Variants in CTSB observed in about 807,000 individuals in gnomAD.
CTSB encodes the protein APP secretase.
CTSB carries 57 observed loss-of-function variants against 44.3 expected under a neutral mutation model. The ratio of observed to expected loss-of-function variants is 1.29; its 90% CI spans 1.04 to 1.60. The LOEUF (loss-of-function observed/expected upper bound fraction) is 1.60. Among genes scored for constraint, CTSB ranks in the 40% most tolerant of loss-of-function variants. CTSB has a pLI of 0.00. For synonymous variants in CTSB, 320 were observed against 168.0 expected, an observed-to-expected ratio of 1.91 and a Z score of -7.00; for missense variants, 768 against 443.0, an observed-to-expected ratio of 1.73 and a Z score of -6.59.
intron 4 of CTSB, chr8:11,849,593 T>C (rs79787897): frequency 6.5e-6 from 1 of 153,602 alleles, no homozygotes; most frequent in Admixed American, 6.4e-5. Flanking sequence ...TTTTTTTTTT[T>C]CCTGGAGGCG....
Position 11,852,673 on chromosome 8 carries a change from A to G in CTSB, c.149T>C (p.Val50Ala), listed in dbSNP as rs1011728101. The change falls in exon 3 of 10, where the codon GTG becomes GCG. Residue 50 changes from valine (V) to alanine (A), a missense_variant. Physicochemically the swap from Val to Ala is moderately conservative, Grantham distance 64 (BLOSUM62 0). Coordinates refer to ENST00000353047, the MANE Select transcript of CTSB (RefSeq NM_001908.5). The stretch of plus-strand genomic sequence containing the variant: ...TAGCCTCTTCAAGTAGCTCATGTCC[A>G]CGTTGTAGAAGTTGTGCCCGGCCTG... ...TWQAGHNFYN[V>A]DMSYLKRLCG... 2 of 1,613,948 alleles carry G rather than the reference A, an allele frequency of 1.2e-6. No individual in the cohort carries two copies. The highest frequency in any genetic ancestry group is 1.3e-5 in the African/African-American group (1 of 74,942).
chr8:11,847,701 G>C lies in CTSB; in HGVS notation c.654C>G (p.Thr218=). The C allele has an allele frequency of 6.3e-7, 1 of 1,579,974 alleles. No individual in the cohort carries two copies. Among genetic ancestry groups the C allele is most frequent in the Non-Finnish European group, 8.6e-7 (1 of 1,165,640 alleles). The stretch of plus-strand genomic sequence containing the variant: ...TACCGTAGTGCTTGTCCTGTTTGTA[G>C]GTCGGGCTGTAGCCAGGCTCACAGA... ...SKICEPGYSP[T]YKQDKHYGYN... The change falls in exon 7 of 10, where the codon ACC becomes ACG. Residue 218 remains threonine, a synonymous_variant. Transcript: ENST00000353047.
At chr8:11,849,843 A>C (rs1340492547) in intron 4 of CTSB, among the ~76,000 whole-genome samples, 1 of 152,078 alleles carries the variant, frequency 6.6e-6, no homozygotes, top group African/African-American at 2.4e-5. Flanking sequence ...AGCCTCCCAA[A>C]GTGTTGAGAT....
At chr8:11,848,580 A>G (rs947620863) in intron 5 of CTSB, 14 of 335,556 alleles carry the variant, frequency 4.2e-5, no homozygotes, top group Admixed American at 7.9e-5. Context: ...TTAAGCCCTC[A>G]GGCATTTCGG....
intron 3 of CTSB, among the ~76,000 whole-genome samples, chr8:11,852,390 G>C (rs76106252): frequency 0.019 from 2,880 of 152,170 alleles, 44 homozygotes; most frequent in Middle Eastern, 0.048. Context: ...AAAAGCACCA[G>C]CATCTTCTCT....
At chr8:11,853,183 G>A (rs575367664) in intron 2 of CTSB, 146 bp downstream of exon 2, 63 of 1,100,680 alleles carry the variant, frequency 5.7e-5, no homozygotes, top group South Asian at 3.1e-4. Flanking sequence ...GTCCAGAGCC[G>A]ACATGACTCA....
Position 11,843,568 on chromosome 8 carries a change from C to G in CTSB, c.*1557G>C, listed in dbSNP as rs962824165. On this transcript the variant is annotated 3_prime_UTR_variant, in exon 10 of 10. Coordinates refer to ENST00000353047, the MANE Select transcript of CTSB (RefSeq NM_001908.5). ...ACCAGCAATGCAAACCAGTGGCATA[C>G]AAATTCAAAATACTGTATACAGGCC... 10 of 152,236 alleles carry G rather than the reference C, an allele frequency of 6.6e-5. No individual in the cohort carries two copies. Among genetic ancestry groups the G allele is most frequent in the African/African-American group, 2.2e-4 (9 of 41,454 alleles). 9.4% of individuals were successfully genotyped at this position (152,236 alleles called of 1,614,324 possible). A position where few individuals can be genotyped will look rare whatever the true frequency, so the allele number is the denominator to read the frequency against.
In CTSB at chr8:11,844,681, G is replaced by C. The variant is rs982666942; in HGVS notation, c.*444C>G. ...GCCTGGGAGACTGGCGTTCTCCAAA[G>C]GGCTCCCAACACCGTCTCTCCTCTG... On this transcript the variant is annotated 3_prime_UTR_variant, in exon 10 of 10. Coordinates refer to ENST00000353047, the MANE Select transcript of CTSB (RefSeq NM_001908.5). The C allele has an allele frequency of 3.1e-5, 5 of 162,138 alleles. No homozygotes were observed. In the South Asian group the frequency reaches 9.2e-4, roughly 30 times the overall value. The allele number at this position is 162,138 out of a possible 1,614,324, so 10.0% of individuals were successfully genotyped here. A position where few individuals can be genotyped will look rare whatever the true frequency, so the allele number is the denominator to read the frequency against.
At chr8:11,855,130 C>A (rs1736103) in intron 1 of CTSB, among the ~76,000 whole-genome samples, 2 of 152,100 alleles carry the variant, frequency 1.3e-5, no homozygotes, top group Admixed American at 6.5e-5. Flanking sequence ...TCAAGCTATT[C>A]TCCTACCTCA....
At chr8:11,857,585 G>A (rs952731314) in intron 1 of CTSB, among the ~76,000 whole-genome samples, 2 of 152,190 alleles carry the variant, frequency 1.3e-5, no homozygotes, top group Non-Finnish European at 2.9e-5. Flanking sequence ...TGGTGGCTGA[G>A]AACACAGGCA....
intron 6 of CTSB, 109 bp from the exon 7 acceptor site, chr8:11,847,931 A>C (rs527459901): frequency 5.5e-5 from 77 of 1,404,280 alleles, no homozygotes; most frequent in African/African-American, 2.4e-4. Flanking sequence ...GTCCTGCCAG[A>C]GGCCTGTGCA....
intron 9 of CTSB, 123 bp from the exon 10 acceptor site, chr8:11,845,345 A>G (rs1027090946): frequency 2.7e-6 from 2 of 740,252 alleles, no homozygotes; most frequent in African/African-American, 1.7e-5. Context: ...CCACTAGCAC[A>G]GTCCTCAACA....
chr8:11,859,211 C>A (rs901764484), intron 1 of CTSB, among the ~76,000 whole-genome samples: 3 of 152,182 alleles, frequency 2.0e-5, no homozygotes, highest in African/African-American at 7.2e-5. Context: ...GCACGCTCCA[C>A]CCCGGCTCTG....
intron 1 of CTSB, among the ~76,000 whole-genome samples, chr8:11,861,916 C>T (rs10217075): frequency 1.3e-5 from 2 of 152,200 alleles, no homozygotes; most frequent in Non-Finnish European, 2.9e-5. Flanking sequence ...CACAGAAAGG[C>T]CTAGCTCTGG....
chr8:11,858,691 A>G (rs1815919409), intron 1 of CTSB, among the ~76,000 whole-genome samples: 1 of 152,176 alleles, frequency 6.6e-6, no homozygotes, highest in African/African-American at 2.4e-5. Flanking sequence ...GTGTCAAGCC[A>G]AACACAGAGG....
In CTSB at chr8:11,843,949, T is replaced by C. The variant is rs879146162; in HGVS notation, c.*1176A>G. 1.3e-5 allele frequency: 2 copies of C among 152,214 alleles called. No individual in the cohort carries two copies. The highest frequency in any genetic ancestry group is 2.9e-5 in the Non-Finnish European group (2 of 68,050). The allele number at this position is 152,214 out of a possible 1,614,324, so 9.4% of individuals were successfully genotyped here. On this transcript the variant is annotated 3_prime_UTR_variant, in exon 10 of 10. Transcript: ENST00000353047. ...CGGAAGGCTGAAGCAGGAGAATCGC[T>C]TGAATCTAGGAGGCTGCAGGTTGCA...
chr8:11,862,889 C>T (rs1372786997), intron 1 of CTSB, among the ~76,000 whole-genome samples: 1 of 152,246 alleles, frequency 6.6e-6, no homozygotes. Context: ...CCATCCTTCT[C>T]CATGCATGCT....
intron 1 of CTSB, chr8:11,861,525 C>A (rs1657729541): frequency 6.6e-6 from 1 of 152,346 alleles, no homozygotes; most frequent in African/African-American, 2.4e-5. Flanking sequence ...AACCCCACAT[C>A]CTGCAGACAA....
chr8:11,852,325 C>T (rs112616372), intron 3 of CTSB, among the ~76,000 whole-genome samples: 2,547 of 152,148 alleles, frequency 0.017, 73 homozygotes, highest in African/African-American at 0.058. Flanking sequence ...GAGCCAAGAT[C>T]GTGCCACTGC....
Sources: gnomAD v4.1 joint callset for allele counts (sites outside exome capture counted in the v4.1 genomes callset) on GRCh38, gnomAD v4.1.1 for gene constraint, MANE v1.5 for transcripts, NCBI Gene and HGNC (gene_info 2026-07-23, HGNC 2026-07-21) for gene names.